Variants in MPRIP observed in about 807,000 individuals in gnomAD.
MPRIP encodes myosin phosphatase Rho interacting protein, also known as myosin phosphatase Rho-interacting protein.
MPRIP carries 59 observed loss-of-function variants against 234.9 expected under a neutral mutation model. The ratio of observed to expected loss-of-function variants is 0.25; its 90% CI spans 0.20 to 0.31. The LOEUF (loss-of-function observed/expected upper bound fraction) is 0.31. MPRIP is among the 10% of genes least tolerant of loss of function. MPRIP has a pLI of 1.00. For synonymous variants in MPRIP, 1,144 were observed against 1,263.9 expected, an observed-to-expected ratio of 0.91 and a Z score of 2.01; for missense variants, 2,436 against 3,071.0, an observed-to-expected ratio of 0.79 and a Z score of 4.89.
intron 12 of MPRIP, among the ~76,000 whole-genome samples, chr17:17,153,546 C>T (rs1415575485): frequency 2.6e-5 from 4 of 151,646 alleles, no homozygotes; most frequent in Admixed American, 2.6e-4. Context: ...CCTGCTGCCC[C>T]GTTCCTCGCC....
At chr17:17,052,521 C>T (rs2088572489) in intron 1 of MPRIP, among the ~76,000 whole-genome samples, 2 of 152,128 alleles carry the variant, frequency 1.3e-5, no homozygotes. Context: ...CAGCGACCTG[C>T]CTAGGTCACA....
intron 18 of MPRIP, among the ~76,000 whole-genome samples, chr17:17,173,481 C>T (rs918516503): frequency 6.6e-6 from 1 of 152,170 alleles, no homozygotes; most frequent in African/African-American, 2.4e-5. Context: ...GGTTCACCTG[C>T]AGGAGGACGG....
chr17:17,190,733 A>G lies in MPRIP; in HGVS notation c.*5839A>G, dbSNP rs1295231377. On this transcript the variant is annotated 3_prime_UTR_variant, in exon 24 of 24. Transcript: ENST00000651222. ...GCTCAACACTAGATCATCCCTAGAGATGGGGCAAGTTTCTGTCTGAACACG... is the reference window on the plus strand; with the variant it reads ...GCTCAACACTAGATCATCCCTAGAGGTGGGGCAAGTTTCTGTCTGAACACG... 6.6e-6 allele frequency: 1 copy of G among 152,122 alleles called. No individual in the cohort carries two copies. Among genetic ancestry groups the G allele is most frequent in the Non-Finnish European group, 1.5e-5 (1 of 68,038 alleles). The allele number at this position is 152,122 out of a possible 1,614,324, so 9.4% of individuals were successfully genotyped here. A position where few individuals can be genotyped will look rare whatever the true frequency, so the allele number is the denominator to read the frequency against.
chr17:17,134,994 G>T (rs1252689234), intron 5 of MPRIP, among the ~76,000 whole-genome samples: 3 of 152,250 alleles, frequency 2.0e-5, no homozygotes, highest in Admixed American at 6.5e-5. Context: ...TAAAAATGAG[G>T]CTTGGCCATC....
chr17:17,180,750 T>C (rs2046357317), intron 23 of MPRIP: 3 of 1,386,684 alleles, frequency 2.2e-6, no homozygotes, highest in Non-Finnish European at 1.0e-6. Context: ...TTTATTTCAA[T>C]TCATCCTGCT....
At chr17:17,132,789 AAGG>A (rs2090623285) in intron 5 of MPRIP, among the ~76,000 whole-genome samples, 1 of 152,234 alleles carries the variant, frequency 6.6e-6, no homozygotes, top group East Asian at 1.9e-4. Flanking sequence ...ATCCGCTGGA[AAGG>A]AGATGTCGCT....
In MPRIP at chr17:17,177,292, G is replaced by C; in HGVS notation, c.7000G>C (p.Glu2334Gln). 1.2e-6 allele frequency: 2 copies of C among 1,614,098 alleles called. No homozygotes were observed. The highest frequency in any genetic ancestry group is 2.2e-5 in the East Asian group (1 of 44,890). The change falls in exon 22 of 24, where the codon GAG (glutamate) becomes CAG (glutamine). Residue 2334 changes from glutamate to glutamine, a missense_variant. Physicochemically the swap from Glu to Gln is conservative, Grantham distance 29. Around this residue, in one of 4 missense-constraint regions of MPRIP, gnomAD observed 1,998 missense variants for 2,520.3 expected, o/e 0.79. Transcript: ENST00000651222. ...ASDKYKDIYT[E>Q]LSIAKAKADC... ...TGACAAGTACAAAGACATCTACACA[G>C]AGCTCAGCATCGCGAAGGCTAAGGC...
intron 3 of MPRIP, among the ~76,000 whole-genome samples, chr17:17,089,682 G>GA (rs2089670942): frequency 6.6e-6 from 1 of 152,206 alleles, no homozygotes; most frequent in African/African-American, 2.4e-5. Flanking sequence ...CTAGGTGTGA[G>GA]GTGTAGGCGT....
intron 18 of MPRIP, 134 bp downstream of exon 18, chr17:17,172,949 A>C: frequency 1.4e-6 from 1 of 696,532 alleles, no homozygotes; most frequent in South Asian, 1.8e-5. Flanking sequence ...TGCTGAGGGC[A>C]GCTCAGATGC....
intron 3 of MPRIP, among the ~76,000 whole-genome samples, chr17:17,110,434 A>G (rs1288387666): frequency 4.6e-5 from 7 of 152,268 alleles, no homozygotes; most frequent in Non-Finnish European, 7.3e-5. Context: ...AAAGAAATAA[A>G]TAAATGGGAG....
chr17:17,158,979 C>A lies in MPRIP; in HGVS notation c.2377C>A (p.Leu793Met). The A allele has an allele frequency of 6.2e-7, 1 of 1,612,438 alleles. No homozygotes were observed. Among genetic ancestry groups the A allele is most frequent in the Non-Finnish European group, 8.5e-7 (1 of 1,179,666 alleles). Residue 793 changes from leucine (L) to methionine (M), a missense_variant, in exon 14 of 24, where the codon CTG becomes ATG. Coordinates refer to ENST00000651222, the MANE Select transcript of MPRIP (RefSeq NM_001364716.4). Reference sequence around the variant, plus strand: ...GGGTGACCGGCTCTCCACACACGAGCTGACCTCTCTGCTCGAGAAGGAGGT... The same window carrying A: ...GGGTGACCGGCTCTCCACACACGAGATGACCTCTCTGCTCGAGAAGGAGGT... ...DGGDRLSTHE[L>M]TSLLEKELEQ...
intron 2 of MPRIP, among the ~76,000 whole-genome samples, chr17:17,076,865 G>C (rs891811930): frequency 1.3e-5 from 2 of 151,178 alleles, no homozygotes; most frequent in African/African-American, 4.9e-5. Context: ...CCAAAGCAGA[G>C]AGATGTGCTT....
intron 1 of MPRIP, among the ~76,000 whole-genome samples, chr17:17,065,632 A>T (rs892595252): frequency 8.6e-5 from 13 of 151,008 alleles, no homozygotes; most frequent in Admixed American, 3.9e-4. Context: ...TTTTTTTTTT[A>T]AATTAAAAAT....
intron 4 of MPRIP, among the ~76,000 whole-genome samples, 162 bp downstream of exon 4, chr17:17,127,015 A>G (rs944783703): frequency 6.6e-6 from 1 of 152,230 alleles, no homozygotes; most frequent in African/African-American, 2.4e-5. Context: ...TGCTGAGCAC[A>G]GCAGAAATCA....
chr17:17,121,208 C>T (rs1429206958), intron 3 of MPRIP, among the ~76,000 whole-genome samples: 1 of 152,214 alleles, frequency 6.6e-6, no homozygotes, highest in African/African-American at 2.4e-5. Context: ...AGTGCACTTA[C>T]ACAAAGTTAG....
chr17:17,135,246 C>T (rs529687165), intron 5 of MPRIP, among the ~76,000 whole-genome samples: 19 of 151,342 alleles, frequency 1.3e-4, no homozygotes, highest in Admixed American at 1.2e-3. Flanking sequence ...ACTGCCTCTG[C>T]ATCTGCCTAA....
chr17:17,081,445 A>G (rs1279225612), intron 3 of MPRIP, among the ~76,000 whole-genome samples: 1 of 152,236 alleles, frequency 6.6e-6, no homozygotes, highest in Non-Finnish European at 1.5e-5. Context: ...GAAGATAGGA[A>G]AAGGGGTGTT....
At chr17:17,111,541 T>C (rs575691110) in intron 3 of MPRIP, among the ~76,000 whole-genome samples, 27 of 152,332 alleles carry the variant, frequency 1.8e-4, no homozygotes, top group African/African-American at 5.5e-4. Context: ...TGTTTTCTGC[T>C]TCTGCTGAGG....
At chr17:17,092,305 C>G (rs939141962) in intron 3 of MPRIP, among the ~76,000 whole-genome samples, 1 of 152,190 alleles carries the variant, frequency 6.6e-6, no homozygotes, top group African/African-American at 2.4e-5. Flanking sequence ...TGTTAAATGT[C>G]CAGCGCTAGA....
Sources: allele counts gnomAD v4.1 joint callset (sites outside exome capture counted in the v4.1 genomes callset), GRCh38; gene constraint gnomAD v4.1.1; regional missense constraint gnomAD v4.1.1; transcripts MANE v1.5; gene names NCBI Gene and HGNC (gene_info 2026-07-23, HGNC 2026-07-21).